Variants in NMNAT2 observed in about 807,000 individuals in gnomAD.
The protein encoded by NMNAT2 is nicotinamide/nicotinic acid mononucleotide adenylyltransferase 2.
In NMNAT2, 11 loss-of-function variants were observed where a neutral mutation model predicts 41.6. The ratio of observed to expected loss-of-function variants is 0.26; its 90% CI spans 0.17 to 0.44. NMNAT2 has a LOEUF of 0.44. Ranked by LOEUF, NMNAT2 falls within the 20% of genes least tolerant of loss-of-function variation. NMNAT2 has a pLI of 1.00. For synonymous variants in NMNAT2, 148 were observed against 151.2 expected (o/e 0.98, Z 0.16); for missense variants, 288 against 407.7 (o/e 0.71, Z 2.53).
chr1:183,280,679 C>T (rs1252395710), intron 7 of NMNAT2, among the ~76,000 whole-genome samples: 1 of 151,876 alleles, frequency 6.6e-6, no homozygotes, highest in Non-Finnish European at 1.5e-5. Flanking sequence ...TGAGCCACTA[C>T]ACTCGGCATG....
At chr1:183,371,526 G>A (rs1309438526) in intron 1 of NMNAT2, among the ~76,000 whole-genome samples, 1 of 152,222 alleles carries the variant, frequency 6.6e-6, no homozygotes, top group East Asian at 1.9e-4. Context: ...CTCTGGTGGG[G>A]GATGTTGATA....
chr1:183,295,377 T>C (rs1275288726), intron 1 of NMNAT2, among the ~76,000 whole-genome samples: 1 of 152,172 alleles, frequency 6.6e-6, no homozygotes, highest in African/African-American at 2.4e-5. Context: ...CCGTTTTAGA[T>C]TTACAGAATA....
In NMNAT2 at chr1:183,284,018, G is replaced by A. The variant is rs756704123; in HGVS notation, c.551C>T (p.Thr184Met). 1.9e-5 allele frequency: 31 copies of A among 1,613,624 alleles called. No individual in the cohort carries two copies. The highest frequency in any genetic ancestry group is 3.3e-5 in the South Asian group (3 of 91,068). Reference sequence around the variant, plus strand: ...ACCAATCTCTTCATACCGCATCACCGTGCCCAGATTGGCATTCTCATCTAA... The same window carrying A: ...ACCAATCTCTTCATACCGCATCACCATGCCCAGATTGGCATTCTCATCTAA... ...TFVDENANLG[T>M]VMRYEEIELR... The change falls in exon 7 of 11, where the codon ACG becomes ATG. Residue 184 changes from threonine (T) to methionine (M), a missense_variant. Around this residue, in one of 3 missense-constraint regions of NMNAT2, gnomAD observed 181 missense variants for 213.7 expected, o/e 0.85. Transcript: ENST00000287713.
intron 8 of NMNAT2, among the ~76,000 whole-genome samples, chr1:183,271,271 A>G (rs1452463781): frequency 6.6e-6 from 1 of 152,224 alleles, no homozygotes; most frequent in African/African-American, 2.4e-5. Context: ...TACCTTCCCA[A>G]ATAAATACCA....
chr1:183,313,777 C>A (rs770890277), intron 1 of NMNAT2, among the ~76,000 whole-genome samples: 5 of 152,234 alleles, frequency 3.3e-5, no homozygotes, highest in African/African-American at 4.8e-5. Flanking sequence ...TGAGCCGCTG[C>A]GCCCAGCCAA....
chr1:183,353,881 A>T (rs891315917), intron 1 of NMNAT2, among the ~76,000 whole-genome samples: 1 of 151,960 alleles, frequency 6.6e-6, no homozygotes, highest in Non-Finnish European at 1.5e-5. Flanking sequence ...GGCCCCAGTG[A>T]GATACCTGGG....
chr1:183,265,676 A>C (rs999458457), intron 8 of NMNAT2, among the ~76,000 whole-genome samples: 6 of 152,190 alleles, frequency 3.9e-5, no homozygotes, highest in Admixed American at 3.3e-4. Context: ...GGACTCTACC[A>C]TCAAAACAAA....
At chr1:183,325,083 G>A (rs768041709) in intron 1 of NMNAT2, among the ~76,000 whole-genome samples, 14 of 152,196 alleles carry the variant, frequency 9.2e-5, no homozygotes, top group Non-Finnish European at 1.5e-4. Context: ...TAGAGAGTAT[G>A]TGACTGGGGG....
intron 8 of NMNAT2, among the ~76,000 whole-genome samples, chr1:183,262,665 G>A (rs951080622): frequency 1.3e-5 from 2 of 152,080 alleles, no homozygotes; most frequent in Admixed American, 1.3e-4. Flanking sequence ...TGATATAATT[G>A]GATAAAAGGA....
At chr1:183,280,113 G>C (rs1661220341) in intron 7 of NMNAT2, among the ~76,000 whole-genome samples, 1 of 152,192 alleles carries the variant, frequency 6.6e-6, no homozygotes. Flanking sequence ...TTGCGCCATA[G>C]GATTTCTGGC....
intron 1 of NMNAT2, among the ~76,000 whole-genome samples, chr1:183,353,322 A>C (rs1016972097): frequency 6.6e-6 from 1 of 152,178 alleles, no homozygotes; most frequent in Non-Finnish European, 1.5e-5. Flanking sequence ...ACAACCTCTT[A>C]AAAAGACAGA....
At chr1:183,320,701 G>GT (rs1285179948) in intron 1 of NMNAT2, among the ~76,000 whole-genome samples, 1 of 152,204 alleles carries the variant, frequency 6.6e-6, no homozygotes, top group Non-Finnish European at 1.5e-5. Flanking sequence ...AGACAGCTAT[G>GT]TTTTACCTGG....
At chr1:183,289,224 C>T (rs960977603) in intron 4 of NMNAT2, among the ~76,000 whole-genome samples, 3 of 152,140 alleles carry the variant, frequency 2.0e-5, no homozygotes, top group South Asian at 2.1e-4. Flanking sequence ...TCTGGGGCTG[C>T]GGAGGGCTCT....
intron 1 of NMNAT2, among the ~76,000 whole-genome samples, chr1:183,391,419 T>C (rs1648478003): frequency 6.6e-6 from 1 of 152,198 alleles, no homozygotes; most frequent in African/African-American, 2.4e-5. Context: ...TACTCTAATG[T>C]GCTTGGACAT....
Position 183,248,893 on chromosome 1 carries a change from T to A in NMNAT2, c.*3748A>T, listed in dbSNP as rs74406661. 7,909 of 72,608 alleles carry A rather than the reference T, an allele frequency of 0.11. 206 individuals are homozygous for A. The highest frequency in any genetic ancestry group is 0.14 in the Non-Finnish European group (4,899 of 34,130). The allele number at this position is 72,608 out of a possible 1,614,324, so 4.5% of individuals were successfully genotyped here. On this transcript the variant is annotated 3_prime_UTR_variant, in exon 11 of 11. Transcript: ENST00000287713. ...TCTCTCTCTTAGTCCCCTAAAAGAG[T>A]GTGTGTGTGTGTGTGTGTGTGTGTG...
chr1:183,395,824 G>A (rs1648623080), intron 1 of NMNAT2, among the ~76,000 whole-genome samples: 1 of 152,172 alleles, frequency 6.6e-6, no homozygotes, highest in African/African-American at 2.4e-5. Flanking sequence ...GTAAAAGAAG[G>A]GGGGAATTTC....
At chr1:183,334,217 A>G (rs548208) in intron 1 of NMNAT2, among the ~76,000 whole-genome samples, 6 of 151,928 alleles carry the variant, frequency 3.9e-5, no homozygotes, top group Admixed American at 3.9e-4. Context: ...CAGGAGCACA[A>G]CACCATGCCC....
At chr1:183,368,261 G>C (rs1181192087) in intron 1 of NMNAT2, among the ~76,000 whole-genome samples, 2 of 152,168 alleles carry the variant, frequency 1.3e-5, no homozygotes, top group African/African-American at 4.8e-5. Flanking sequence ...TTAGCTCGGA[G>C]GGCTTTGCAG....
At chr1:183,288,956 T>C (rs1435402303) in intron 4 of NMNAT2, among the ~76,000 whole-genome samples, 1 of 152,228 alleles carries the variant, frequency 6.6e-6, no homozygotes. Flanking sequence ...AAATCAGTTT[T>C]CTTCAATTCC....
Sources: allele counts gnomAD v4.1 joint callset (sites outside exome capture counted in the v4.1 genomes callset), GRCh38; gene constraint gnomAD v4.1.1; regional missense constraint gnomAD v4.1.1; transcripts MANE v1.5; gene names NCBI Gene and HGNC (gene_info 2026-07-23, HGNC 2026-07-21).